The following PP2D1 variants were observed in gnomAD, a reference collection of about 807,000 sequenced individuals.
PP2D1 encodes the protein protein phosphatase 2C like domain containing 1, also known as protein phosphatase 2C-like domain-containing protein 1.
Under a neutral mutation model 30.2 loss-of-function variants are expected in PP2D1, and 25 were observed. The ratio of observed to expected loss-of-function variants is 0.83; its 90% CI spans 0.60 to 1.16. PP2D1 has a LOEUF of 1.16. Ranked by LOEUF, PP2D1 falls within the 50% of genes most tolerant of loss-of-function variation. PP2D1 has a pLI of 0.00. For missense variants in PP2D1, 760 were observed against 742.4 expected (o/e 1.02, Z -0.28); for synonymous variants, 260 against 258.9 (o/e 1.00, Z -0.04).
At chr3:19,988,931 A>G (rs943363808) in intron 2 of PP2D1, among the ~76,000 whole-genome samples, 1 of 152,034 alleles carries the variant, frequency 6.6e-6, no homozygotes, top group African/African-American at 2.4e-5. Flanking sequence ...GGTTGCAGTA[A>G]TACGAAGTCA....
At chr3:20,009,335 A>C in intron 1 of PP2D1, among the ~76,000 whole-genome samples, 1 of 151,956 alleles carries the variant, frequency 6.6e-6, no homozygotes, top group Non-Finnish European at 1.5e-5. Context: ...AGTGGTGCAC[A>C]CCTGTAGTCC....
intron 2 of PP2D1, among the ~76,000 whole-genome samples, chr3:19,991,806 A>G (rs1575084302): frequency 1.3e-5 from 2 of 152,312 alleles, no homozygotes; most frequent in Admixed American, 1.3e-4. Context: ...GAGGCTATTC[A>G]AAAGAAATTG....
chr3:19,988,927 A>T (rs1407327501), intron 2 of PP2D1, among the ~76,000 whole-genome samples: 1 of 152,108 alleles, frequency 6.6e-6, no homozygotes, highest in Non-Finnish European at 1.5e-5. Context: ...TGGAGGTTGC[A>T]GTAATACGAA....
intron 2 of PP2D1, among the ~76,000 whole-genome samples, chr3:19,991,334 C>T (rs980515138): frequency 4.6e-5 from 7 of 152,132 alleles, no homozygotes; most frequent in African/African-American, 1.7e-4. Context: ...ACTCTGGAAT[C>T]CCAACCAGGG....
At chr3:19,984,169 C>G, downstream of PP2D1, 1 of 315,046 alleles carries the variant, frequency 3.2e-6, no homozygotes, top group Non-Finnish European at 5.9e-6. Flanking sequence ...CAGTAGTCAC[C>G]TGTGAAAAAA....
intron 1 of PP2D1, among the ~76,000 whole-genome samples, chr3:20,006,243 TCAAAAA>T (rs1697317463): frequency 6.6e-6 from 1 of 152,050 alleles, no homozygotes; most frequent in Admixed American, 6.6e-5. Context: ...GAGACACTGT[TCAAAAA>T]CAAAAACAAA....
At position 20,001,969 on chromosome 3, in the gene PP2D1, G is replaced by T; in HGVS notation, c.151C>A (p.Arg51Ser). The T allele has an allele frequency of 6.5e-7, 1 of 1,536,222 alleles. No individual in the cohort carries two copies. The highest frequency in any genetic ancestry group is 8.7e-7 in the Non-Finnish European group (1 of 1,146,932). Residue 51 changes from arginine to serine, a missense_variant, in exon 2 of 3, where the codon CGC becomes AGC. Arg to Ser is a moderately radical substitution (Grantham distance 110). Coordinates refer to ENST00000389050, the MANE Select transcript of PP2D1 (RefSeq NM_001252657.2). ...KKSRPVRHTK[R>S]HEEEQVYEQG... The stretch of plus-strand genomic sequence containing the variant: ...TCATAGACCTGCTCCTCTTCATGGC[G>T]TTTGGTGTGTCTCACTGGTCTTGAC...
In PP2D1 at chr3:19,985,840, T is replaced by G. The variant is rs1431899547; in HGVS notation, c.1433A>C (p.Lys478Thr). 1 of 1,536,250 alleles carries G rather than the reference T, an allele frequency of 6.5e-7. No individual in the cohort carries two copies. Among genetic ancestry groups the G allele is most frequent in the South Asian group, 1.2e-5 (1 of 84,064 alleles). Residue 478 changes from lysine to threonine, a missense_variant, in exon 3 of 3, where the codon AAA (lysine) becomes ACA (threonine). By Grantham distance (78) the Lys-to-Thr change is moderately conservative. Around this residue, in one of 3 missense-constraint regions of PP2D1, gnomAD observed 369 missense variants for 316.2 expected, o/e 1.17. Coordinates refer to ENST00000389050, the MANE Select transcript of PP2D1 (RefSeq NM_001252657.2). The stretch of plus-strand genomic sequence containing the variant: ...AGGTATGATAGGACAGTATGTTTCT[T>G]TATACATGTGAAATGTTGTCATTGC... The part of the protein sequence containing the change: ...ALAMTTFHMY[K>T]ETYCPIIPNK...
In PP2D1 at chr3:19,986,150, T is replaced by G; in HGVS notation, c.1123A>C (p.Lys375Gln). The change falls in exon 3 of 3, where the codon AAA becomes CAA. Residue 375 changes from lysine (K) to glutamine (Q), a missense_variant. Coordinates refer to ENST00000389050, the MANE Select transcript of PP2D1 (RefSeq NM_001252657.2). ...TGTTCTTTGGTTAGGCAAAAACCTT[T>G]CCCATTTCTGCATAAGACTGCTTGC... ...NVQAVLCRNG[K>Q]GFCLTKEHTT... is the part of the protein sequence containing the mutation. 1 of 1,520,396 alleles carries G rather than the reference T, an allele frequency of 6.6e-7. No homozygotes were observed. The highest frequency in any genetic ancestry group is 8.8e-7 in the Non-Finnish European group (1 of 1,140,816). 94.2% of individuals were successfully genotyped at this position (1,520,396 alleles called of 1,614,324 possible).
Position 20,001,639 on chromosome 3 carries a change from G to C in PP2D1, c.481C>G (p.Gln161Glu). The change falls in exon 2 of 3, where the codon CAA (glutamine) becomes GAA (glutamate). Residue 161 changes from glutamine (Q) to glutamate (E), a missense_variant. Gln to Glu is a conservative substitution (Grantham distance 29, BLOSUM62 2). Around this residue, in one of 3 missense-constraint regions of PP2D1, gnomAD observed 374 missense variants for 388.8 expected, o/e 0.96. Coordinates refer to ENST00000389050, the MANE Select transcript of PP2D1 (RefSeq NM_001252657.2). ...DNIDRSVIYS[Q>E]KICHLLIKGV... Reference sequence around the variant, plus strand: ...TTAATTAACAGATGACATATTTTTTGAGAATATATGACACTCCTGTCAATG... The same window carrying C: ...TTAATTAACAGATGACATATTTTTTCAGAATATATGACACTCCTGTCAATG... The C allele has an allele frequency of 6.5e-7, 1 of 1,536,116 alleles. No homozygotes were observed. Among genetic ancestry groups the C allele is most frequent in the Non-Finnish European group, 8.7e-7 (1 of 1,146,810 alleles).
Position 19,985,504 on chromosome 3 carries a change from T to A in PP2D1, c.1769A>T (p.Tyr590Phe). 1.0e-5 allele frequency: 16 copies of A among 1,536,096 alleles called. No homozygotes were observed. Among genetic ancestry groups the A allele is most frequent in the Non-Finnish European group, 1.4e-5 (16 of 1,146,854 alleles). ...NEKESDTKSF[Y>F]EGAAEYVSHE... ...GCTAACATACTCAGCTGCGCCTTCATAGAAACTCTTAGTGTCTGATTCTTT... is the reference window on the plus strand; with the variant it reads ...GCTAACATACTCAGCTGCGCCTTCAAAGAAACTCTTAGTGTCTGATTCTTT... The change falls in exon 3 of 3, where the codon TAT becomes TTT. Residue 590 changes from tyrosine (Y) to phenylalanine (F), a missense_variant. Coordinates refer to ENST00000389050, the MANE Select transcript of PP2D1 (RefSeq NM_001252657.2).
downstream of PP2D1, among the ~76,000 whole-genome samples, chr3:19,982,187 A>G (rs192716068): frequency 6.6e-6 from 1 of 152,144 alleles, no homozygotes; most frequent in African/African-American, 2.4e-5. Context: ...GCAGTGAGCT[A>G]TGATTGATGC....
chr3:19,988,933 AC>A, intron 2 of PP2D1, among the ~76,000 whole-genome samples: 1 of 152,002 alleles, frequency 6.6e-6, no homozygotes, highest in Middle Eastern at 3.4e-3. Context: ...TTGCAGTAAT[AC>A]GAAGTCACGC....
intron 2 of PP2D1, among the ~76,000 whole-genome samples, chr3:19,988,978 T>C (rs1311466486): frequency 6.6e-6 from 1 of 151,314 alleles, no homozygotes; most frequent in Non-Finnish European, 1.5e-5. Flanking sequence ...AAAGCAAGAC[T>C]CTCTCAAAAA....
At chr3:19,994,103 T>C (rs539140396) in intron 2 of PP2D1, among the ~76,000 whole-genome samples, 1 of 150,630 alleles carries the variant, frequency 6.6e-6, no homozygotes, top group East Asian at 2.0e-4. Flanking sequence ...TTGTCCAAGA[T>C]GGGGAAGACT....
chr3:20,000,996 A>G, intron 2 of PP2D1, 34 bp downstream of exon 2: 1 of 1,200,326 alleles, frequency 8.3e-7, no homozygotes, highest in Non-Finnish European at 1.1e-6. Context: ...CCAAAAACAT[A>G]AAGGTGTTAT....
chr3:19,980,443 A>AC (rs1159452172), downstream of PP2D1, among the ~76,000 whole-genome samples: 2 of 42,036 alleles, frequency 4.8e-5, no homozygotes, highest in African/African-American at 1.3e-4. Context: ...CTAGGTTAGT[A>AC]AATTTTTTTT....
chr3:20,001,096 C>G lies in PP2D1; in HGVS notation c.1024G>C (p.Ala342Pro). The G allele has an allele frequency of 7.1e-7, 1 of 1,415,638 alleles. No individual in the cohort carries two copies. 87.7% of individuals were successfully genotyped at this position (1,415,638 alleles called of 1,614,324 possible). The change falls in exon 2 of 3, where the codon GCA becomes CCA. Residue 342 changes from alanine to proline, a missense_variant. Ala to Pro is a conservative substitution (Grantham distance 27). Coordinates refer to ENST00000389050, the MANE Select transcript of PP2D1 (RefSeq NM_001252657.2). ...WKRKNTHDGL[A>P]ESSPSQEMPK... Reference sequence around the variant, plus strand: ...ATCTCCTGGGAAGGGGAGCTCTCTGCCAACCCATCATGGGTATTTTTTCTT... The same window carrying G: ...ATCTCCTGGGAAGGGGAGCTCTCTGGCAACCCATCATGGGTATTTTTTCTT...
intron 2 of PP2D1, among the ~76,000 whole-genome samples, chr3:19,993,550 A>G (rs1287802368): frequency 6.6e-6 from 1 of 152,058 alleles, no homozygotes; most frequent in African/African-American, 2.4e-5. Flanking sequence ...AGCCTGGCCA[A>G]CATGGTGAAA....
Sources: allele counts gnomAD v4.1 joint callset (sites outside exome capture counted in the v4.1 genomes callset), GRCh38; gene constraint gnomAD v4.1.1; regional missense constraint gnomAD v4.1.1; transcripts MANE v1.5; gene names NCBI Gene and HGNC (gene_info 2026-07-23, HGNC 2026-07-21).